GPHN: variants seen among roughly 807,000 people sequenced by gnomAD.
The protein encoded by GPHN is gephyrin.
Under a neutral mutation model 95.5 loss-of-function variants are expected in GPHN, and 17 were observed. The observed-to-expected ratio is 0.18, with a 90% CI of 0.12 to 0.27. The LOEUF is 0.27. GPHN is among the 10% of genes least tolerant of loss of function. The pLI is 1.00. For synonymous variants in GPHN, 320 were observed against 322.5 expected (o/e 0.99, Z 0.08); for missense variants, 660 against 978.1 (o/e 0.67, Z 4.34).
intron 2 of GPHN, among the ~76,000 whole-genome samples, chr14:66,736,666 A>C (rs780213826): frequency 2.0e-5 from 3 of 151,976 alleles, no homozygotes; most frequent in Non-Finnish European, 4.4e-5. Flanking sequence ...CGGCCTCCTA[A>C]AGTGCAGGGA....
At chr14:67,135,481 G>A (rs566345537) in intron 17 of GPHN, among the ~76,000 whole-genome samples, 22 of 152,162 alleles carry the variant, frequency 1.4e-4, no homozygotes, top group African/African-American at 5.1e-4. Flanking sequence ...AAGATTTGAG[G>A]GTTGTATGGC....
intron 19 of GPHN, among the ~76,000 whole-genome samples, chr14:67,160,616 G>A (rs775344502): frequency 4.6e-5 from 7 of 152,138 alleles, no homozygotes; most frequent in Non-Finnish European, 8.8e-5. Context: ...TTCCTGTGCA[G>A]AGACCTCAAC....
intron 2 of GPHN, among the ~76,000 whole-genome samples, chr14:66,713,745 G>T (rs1037970081): frequency 1.1e-4 from 16 of 147,766 alleles, no homozygotes; most frequent in Middle Eastern, 3.2e-3. Context: ...TTTCTTTGTT[G>T]TTTTTTTTTT....
chr14:67,643,771 G>A, the GPHN span, among the ~76,000 whole-genome samples: 1 of 149,386 alleles, frequency 6.7e-6, no homozygotes, highest in African/African-American at 2.5e-5. Context: ...TCCCTGAGGT[G>A]CTGAGAAAGC....
At chr14:66,563,182 A>G (rs1195114816) in intron 1 of GPHN, among the ~76,000 whole-genome samples, 1 of 152,010 alleles carries the variant, frequency 6.6e-6, no homozygotes, top group East Asian at 1.9e-4. Context: ...ACTTTTAATT[A>G]TTAGACTAAT....
rs112025688 is a variant in GPHN, at chr14:67,032,342, G to C, written c.1006+8667G>C. Among the ~76,000 whole-genome samples, 453 of 152,230 alleles carry C rather than the reference G, an allele frequency of 3.0e-3. 3 individuals are homozygous for C. The highest frequency in any genetic ancestry group is 0.01 in the African/African-American group (435 of 41,534). On this transcript the variant is annotated intron_variant, in intron 10 of 22. Coordinates refer to ENST00000478722, the MANE Select transcript of GPHN (RefSeq NM_020806.5). ...GAGGCAGCTTGCTGTAGTACCACAG[G>C]GCCTACAGTGCCACACACAGGCACC...
chr14:67,382,865 T>C, the GPHN span, among the ~76,000 whole-genome samples: 4 of 152,090 alleles, frequency 2.6e-5, no homozygotes, highest in African/African-American at 9.7e-5. Context: ...CTCCTGTCTT[T>C]TCCTTGTCCA....
chr14:66,539,409 CTT>C (rs1000117893), intron 1 of GPHN, among the ~76,000 whole-genome samples: 8 of 101,840 alleles, frequency 7.9e-5, no homozygotes, highest in African/African-American at 1.3e-4. Flanking sequence ...TTTCTACTTT[CTT>C]TTTTTTTTTT....
intron 11 of GPHN, among the ~76,000 whole-genome samples, chr14:67,064,807 A>G (rs1011158358): frequency 6.6e-6 from 1 of 151,890 alleles, no homozygotes; most frequent in African/African-American, 2.4e-5. Flanking sequence ...TATTGCATCT[A>G]TTTGGTTCTT....
intron 16 of GPHN, among the ~76,000 whole-genome samples, chr14:67,115,722 G>A (rs1164900864): frequency 6.7e-6 from 1 of 150,360 alleles, no homozygotes; most frequent in African/African-American, 2.4e-5. Flanking sequence ...GTGAGAGAGA[G>A]AGACTCCATC....
At chr14:66,748,301 TATA>T (rs1468799804) in intron 2 of GPHN, among the ~76,000 whole-genome samples, 1 of 152,064 alleles carries the variant, frequency 6.6e-6, no homozygotes, top group Non-Finnish European at 1.5e-5. Flanking sequence ...TATATGGAAT[TATA>T]ATAACATACT....
chr14:67,321,834 CTT>C, the GPHN span, among the ~76,000 whole-genome samples: 1 of 152,046 alleles, frequency 6.6e-6, no homozygotes, highest in Non-Finnish European at 1.5e-5. Flanking sequence ...TGTTCTGAAA[CTT>C]AAAATACAGT....
At chr14:67,303,590 G>A in the GPHN span, 2 of 1,611,910 alleles carry the variant, frequency 1.2e-6, no homozygotes, top group Non-Finnish European at 1.7e-6. Context: ...CTCCTGCCAA[G>A]GAAACAGTAG....
intron 10 of GPHN, among the ~76,000 whole-genome samples, chr14:67,027,656 C>T (rs1028749078): frequency 6.6e-6 from 1 of 152,150 alleles, no homozygotes; most frequent in Non-Finnish European, 1.5e-5. Context: ...GTACTTTGTT[C>T]AGCCTGTGTT....
intron 8 of GPHN, among the ~76,000 whole-genome samples, chr14:66,936,117 G>C (rs544132497): frequency 6.6e-6 from 1 of 152,204 alleles, no homozygotes; most frequent in African/African-American, 2.4e-5. Flanking sequence ...GGTGGCTCAC[G>C]CCTGTAATCC....
chr14:67,144,250 A>AAAATATATAT (rs1168342196), intron 18 of GPHN, among the ~76,000 whole-genome samples: 14 of 57,768 alleles, frequency 2.4e-4, no homozygotes, highest in Non-Finnish European at 4.0e-4. Context: ...AAAAAAAAAA[A>AAAATATATAT]ATATATATAT....
chr14:67,127,566 C>G (rs564640794), intron 17 of GPHN, among the ~76,000 whole-genome samples: 1 of 152,220 alleles, frequency 6.6e-6, no homozygotes, highest in Admixed American at 6.5e-5. Flanking sequence ...TTTAACAAAT[C>G]TGGGGTGGGC....
the GPHN span, among the ~76,000 whole-genome samples, chr14:67,468,108 G>C: frequency 6.6e-6 from 1 of 152,140 alleles, no homozygotes; most frequent in Middle Eastern, 3.4e-3. Context: ...CGAGTAGCTG[G>C]GATTACAGGC....
intron 11 of GPHN, among the ~76,000 whole-genome samples, chr14:67,083,384 T>C (rs1310536510): frequency 3.3e-5 from 5 of 152,118 alleles, no homozygotes; most frequent in Admixed American, 3.3e-4. Flanking sequence ...GCCCCCTCTC[T>C]CTCTTGCTCC....
Sources: gnomAD v4.1 joint callset for allele counts (sites outside exome capture counted in the v4.1 genomes callset) on GRCh38, gnomAD v4.1.1 for gene constraint, MANE v1.5 for transcripts, NCBI Gene and HGNC (gene_info 2026-07-23, HGNC 2026-07-21) for gene names.